The following PDE1A variants were observed in gnomAD, a reference collection of about 807,000 sequenced individuals.
PDE1A encodes the protein dual specificity calcium/calmodulin-dependent 3',5'-cyclic nucleotide phosphodiesterase 1A.
PDE1A carries 35 observed loss-of-function variants against 61.7 expected under a neutral mutation model. The ratio of observed to expected loss-of-function variants is 0.57; its 90% CI spans 0.43 to 0.75. The LOEUF is 0.75. PDE1A is among the 30% of genes least tolerant of loss of function. The pLI, the probability that PDE1A is intolerant of heterozygous loss-of-function variation, is 0.00. For synonymous variants in PDE1A, 232 were observed against 213.2 expected (o/e 1.09, Z -0.77); for missense variants, 597 against 630.6 (o/e 0.95, Z 0.57).
At chr2:182,283,603 A>T (rs1244550279) in intron 1 of PDE1A, among the ~76,000 whole-genome samples, 1 of 152,104 alleles carries the variant, frequency 6.6e-6, no homozygotes, top group Non-Finnish European at 1.5e-5. Context: ...CTCAGAAAAA[A>T]ATGAGTTAAA....
At chr2:182,359,644 G>C (rs1181960518) in intron 1 of PDE1A, among the ~76,000 whole-genome samples, 3 of 152,084 alleles carry the variant, frequency 2.0e-5, no homozygotes, top group Non-Finnish European at 2.9e-5. Context: ...CATCAGTATA[G>C]TAAATGAGTA....
chr2:182,673,387 C>T, the PDE1A span, among the ~76,000 whole-genome samples: 2 of 152,152 alleles, frequency 1.3e-5, no homozygotes, highest in Non-Finnish European at 2.9e-5. Flanking sequence ...TGTGTTTCTG[C>T]ACCTCTTACG....
At chr2:182,652,245 A>G in the PDE1A span, among the ~76,000 whole-genome samples, 15 of 152,156 alleles carry the variant, frequency 9.9e-5, no homozygotes, top group Admixed American at 4.6e-4. Flanking sequence ...TCCCTTGACT[A>G]TAAGTGTTTT....
chr2:182,168,022 T>C (rs1187112492), exon 14 of PDE1A: 64 of 1,237,474 alleles, frequency 5.2e-5, no homozygotes, highest in Non-Finnish European at 6.5e-5. Context: ...CACAAGGTGC[T>C]GATGTAGCCA....
intron 1 of PDE1A, among the ~76,000 whole-genome samples, chr2:182,296,117 A>C (rs1297590436): frequency 6.6e-6 from 1 of 152,238 alleles, no homozygotes; most frequent in East Asian, 1.9e-4. Context: ...TGGTAAGCTC[A>C]AATGTAGGCA....
At chr2:182,192,739 G>A (rs1685804569) in intron 10 of PDE1A, among the ~76,000 whole-genome samples, 5 of 152,102 alleles carry the variant, frequency 3.3e-5, no homozygotes, top group Admixed American at 3.3e-4. Context: ...ACTCAAGGCA[G>A]CCTGAGGTTC....
At chr2:182,324,341 C>G (rs945239501) in intron 1 of PDE1A, among the ~76,000 whole-genome samples, 1 of 151,664 alleles carries the variant, frequency 6.6e-6, no homozygotes, top group Non-Finnish European at 1.5e-5. Context: ...AACTTGCATA[C>G]AAGATAATCG....
At chr2:182,214,465 C>T (rs1180473478) in intron 7 of PDE1A, among the ~76,000 whole-genome samples, 13 of 151,558 alleles carry the variant, frequency 8.6e-5, no homozygotes, top group African/African-American at 3.2e-4. Flanking sequence ...AAGACACAGA[C>T]TGGCAAATTG....
At chr2:182,558,065 T>C in the PDE1A span, among the ~76,000 whole-genome samples, 1 of 152,218 alleles carries the variant, frequency 6.6e-6, no homozygotes, top group Non-Finnish European at 1.5e-5. Flanking sequence ...TAGCTCTTCA[T>C]ATTCTTATAA....
At chr2:182,449,557 G>T (rs1173800246) in intron 2 of PDE1A, among the ~76,000 whole-genome samples, 1 of 152,048 alleles carries the variant, frequency 6.6e-6, no homozygotes, top group Admixed American at 6.6e-5. Flanking sequence ...AAGTTGAAAG[G>T]AGAAAGTATC....
intron 2 of PDE1A, among the ~76,000 whole-genome samples, chr2:182,263,727 G>C (rs1692398644): frequency 6.6e-6 from 1 of 152,142 alleles, no homozygotes; most frequent in Non-Finnish European, 1.5e-5. Flanking sequence ...CAGCCTCTTT[G>C]AGGGTCACAG....
At chr2:182,682,120 T>A in the PDE1A span, among the ~76,000 whole-genome samples, 3 of 152,228 alleles carry the variant, frequency 2.0e-5, no homozygotes, top group Non-Finnish European at 2.9e-5. Flanking sequence ...AGTTTCTGAC[T>A]GTCTACAATG....
At chr2:182,689,581 G>C in the PDE1A span, among the ~76,000 whole-genome samples, 1 of 152,124 alleles carries the variant, frequency 6.6e-6, no homozygotes, top group African/African-American at 2.4e-5. Context: ...AAGCAGGAAA[G>C]ATCCAAAATT....
chr2:182,199,112 T>G (rs574350362), intron 10 of PDE1A, among the ~76,000 whole-genome samples: 108 of 152,110 alleles, frequency 7.1e-4, no homozygotes, highest in Non-Finnish European at 1.3e-3. Flanking sequence ...CAATTTCATC[T>G]AAGTTTTCAA....
chr2:182,519,396 C>T (rs922301909), intron 2 of PDE1A, among the ~76,000 whole-genome samples: 6 of 151,688 alleles, frequency 4.0e-5, no homozygotes, highest in Non-Finnish European at 8.8e-5. Context: ...TACTGAGTAA[C>T]AAATTAGTGG....
In PDE1A at chr2:182,249,670, C is replaced by A. The variant is rs1406657367; in HGVS notation, c.168-9378G>T. On this transcript the variant is annotated intron_variant, in intron 2 of 13. Transcript: ENST00000351439. Reference sequence around the variant, plus strand: ...CTAGGAGAGTCCATTAGTATTATCTCTTTGATTAACCTATGTCTGCGTTCT... The same window carrying A: ...CTAGGAGAGTCCATTAGTATTATCTATTTGATTAACCTATGTCTGCGTTCT... 2.0e-5 allele frequency among the ~76,000 whole-genome samples: 3 copies of A among 152,068 alleles called. No homozygotes were observed. The South Asian group carries it at 6.3e-4, about 32-fold the overall frequency.
the PDE1A span, among the ~76,000 whole-genome samples, chr2:182,589,257 A>AAGAG: frequency 1.6e-5 from 2 of 122,944 alleles, no homozygotes; most frequent in African/African-American, 5.9e-5. Flanking sequence ...GAAAAGAAGG[A>AAGAG]AGGGAGGGAG....
chr2:182,471,124 T>A (rs1208755843), intron 2 of PDE1A, among the ~76,000 whole-genome samples: 1 of 151,748 alleles, frequency 6.6e-6, no homozygotes, highest in Non-Finnish European at 1.5e-5. Context: ...ACCAATACAT[T>A]TATATCTAGA....
At chr2:182,480,389 G>C (rs1395095510) in intron 2 of PDE1A, among the ~76,000 whole-genome samples, 2 of 151,894 alleles carry the variant, frequency 1.3e-5, no homozygotes, top group Non-Finnish European at 2.9e-5. Flanking sequence ...CAGCCTGTTA[G>C]AGATAGCCAC....
Sources: allele counts gnomAD v4.1 joint callset (sites outside exome capture counted in the v4.1 genomes callset), GRCh38; gene constraint gnomAD v4.1.1; transcripts MANE v1.5; gene names NCBI Gene and HGNC (gene_info 2026-07-23, HGNC 2026-07-21).